TMEM243: variants seen among roughly 807,000 people sequenced by gnomAD.
The protein encoded by TMEM243 is MDR1 and mitochondrial taxol resistance associated.
Under a neutral mutation model 15.0 loss-of-function variants are expected in TMEM243, and 20 were observed. The observed-to-expected ratio is 1.33, with a 90% CI of 0.94 to 1.93. The LOEUF (loss-of-function observed/expected upper bound fraction) is 1.93, where lower values mean the gene tolerates loss of function less well. Among genes scored for constraint, TMEM243 ranks in the 30% most tolerant of loss-of-function variants. The probability of loss-of-function intolerance (pLI) is 0.00; values close to 1 mark genes in which losing one functional copy is unlikely to be tolerated. For synonymous variants in TMEM243, 72 were observed against 52.7 expected (o/e 1.37, Z -1.59); for missense variants, 156 against 142.1 (o/e 1.10, Z -0.50).
intron 1 of TMEM243, among the ~76,000 whole-genome samples, chr7:87,209,510 AAG>A (rs1310530259): frequency 9.1e-6 from 1 of 110,304 alleles, no homozygotes; most frequent in Non-Finnish European, 1.9e-5. Context: ...GAGAGTGAGA[AAG>A]ACAGTGAGAG....
intron 1 of TMEM243, among the ~76,000 whole-genome samples, chr7:87,210,189 A>T (rs1584543219): frequency 6.6e-6 from 1 of 152,064 alleles, no homozygotes; most frequent in South Asian, 2.1e-4. Flanking sequence ...ACCATTAGAA[A>T]CTGCCCCCAT....
At chr7:87,208,474 C>T (rs1029183616) in intron 1 of TMEM243, among the ~76,000 whole-genome samples, 1 of 152,218 alleles carries the variant, frequency 6.6e-6, no homozygotes, top group Non-Finnish European at 1.5e-5. Flanking sequence ...GGCTCTGCCC[C>T]TGTGCTTTTC....
intron 1 of TMEM243, among the ~76,000 whole-genome samples, chr7:87,207,903 G>C (rs1431113754): frequency 6.6e-6 from 1 of 152,098 alleles, no homozygotes; most frequent in African/African-American, 2.4e-5. Flanking sequence ...TGAGCAAACT[G>C]CATCCTAACA....
chr7:87,200,828 A>G (rs534782087), intron 1 of TMEM243, among the ~76,000 whole-genome samples: 3 of 152,302 alleles, frequency 2.0e-5, no homozygotes, highest in East Asian at 3.9e-4. Flanking sequence ...CTTCTCACCC[A>G]AAGAACAACC....
At chr7:87,211,225 C>A (rs1263913258) in intron 1 of TMEM243, among the ~76,000 whole-genome samples, 1 of 152,204 alleles carries the variant, frequency 6.6e-6, no homozygotes, top group Admixed American at 6.5e-5. Flanking sequence ...AGGAACAATA[C>A]CTCCAGGCAC....
chr7:87,214,615 T>C (rs1215932769), intron 1 of TMEM243, among the ~76,000 whole-genome samples: 1 of 152,200 alleles, frequency 6.6e-6, no homozygotes, highest in Non-Finnish European at 1.5e-5. Context: ...ATAGTCACAA[T>C]GAAAATTGGC....
At chr7:87,200,383 C>A (rs1801701357) in intron 1 of TMEM243, among the ~76,000 whole-genome samples, 1 of 152,190 alleles carries the variant, frequency 6.6e-6, no homozygotes, top group Non-Finnish European at 1.5e-5. Context: ...GGACAAGTCA[C>A]CACTCACTTT....
rs955579237 is a variant in TMEM243 at position 87,219,607 on chromosome 7, T to C, written c.-104A>G. On this transcript the variant is annotated 5_prime_UTR_variant, in exon 1 of 4. An upstream start codon of the reference 5' UTR is lost. Coordinates refer to ENST00000257637, the MANE Select transcript of TMEM243 (RefSeq NM_024315.4). ...AAGCCTCCTCCTCACGGCTCCCGCATAGCCGAACCCGAGTGGTCGGGGAAG... is the reference window on the plus strand; with the variant it reads ...AAGCCTCCTCCTCACGGCTCCCGCACAGCCGAACCCGAGTGGTCGGGGAAG... 1.9e-6 allele frequency: 2 copies of C among 1,042,254 alleles called. No homozygotes were observed. The highest frequency in any genetic ancestry group is 1.6e-5 in the African/African-American group (1 of 62,552). The allele number at this position is 1,042,254 out of a possible 1,614,324, so 64.6% of individuals were successfully genotyped here.
At chr7:87,203,234 A>G (rs1246146242) in intron 1 of TMEM243, among the ~76,000 whole-genome samples, 1 of 152,096 alleles carries the variant, frequency 6.6e-6, no homozygotes, top group Admixed American at 6.5e-5. Flanking sequence ...TAAAACCCTA[A>G]CCTAACTAAC....
Position 87,219,659 on chromosome 7 carries a change from T to TCACACGCGGGGAACG in TMEM243, c.-171_-157dup, listed in dbSNP as rs1259013924. 2 of 651,038 alleles carry TCACACGCGGGGAACG rather than the reference T, an allele frequency of 3.1e-6. No homozygotes were observed. Among genetic ancestry groups the TCACACGCGGGGAACG allele is most frequent in the East Asian group, 5.5e-5 (2 of 36,214 alleles). 40.3% of individuals were successfully genotyped at this position (651,038 alleles called of 1,614,324 possible). ...GCTGGCGCCAGGGATGGGTGGGGGC[T>TCACACGCGGGGAACG]CACACGCGGGGAACGCGACTGCTCC... On this transcript the variant is annotated 5_prime_UTR_variant, in exon 1 of 4. The change abolishes the stop of an existing upstream ORF in the 5' untranslated region. Transcript: ENST00000257637.
chr7:87,199,060 G>A lies in TMEM243; in HGVS notation c.79-3C>T, dbSNP rs1010917460. 10 of 1,604,366 alleles carry A rather than the reference G, an allele frequency of 6.2e-6. No individual in the cohort carries two copies. Among genetic ancestry groups the A allele is most frequent in the Non-Finnish European group, 8.5e-6 (10 of 1,176,692 alleles). On this transcript the variant is annotated splice_region_variant and splice_polypyrimidine_tract_variant and intron_variant, in intron 1 of 3. Transcript: ENST00000257637. ...ACAACTAAATTGATGATTCGATCCT[G>A]AAAGAGAAAAGAATTTTTAAGCCAT...
At chr7:87,214,330 A>G (rs2129238320) in intron 1 of TMEM243, among the ~76,000 whole-genome samples, 1 of 152,324 alleles carries the variant, frequency 6.6e-6, no homozygotes, top group Non-Finnish European at 1.5e-5. Context: ...CTGTGTACTA[A>G]AGCTTGTACT....
At chr7:87,205,296 C>CT (rs1350956538) in intron 1 of TMEM243, among the ~76,000 whole-genome samples, 2 of 151,930 alleles carry the variant, frequency 1.3e-5, no homozygotes, top group Non-Finnish European at 2.9e-5. Flanking sequence ...TTTGGCTCCT[C>CT]TTACTTGTGC....
At chr7:87,201,056 T>C (rs761186425) in intron 1 of TMEM243, among the ~76,000 whole-genome samples, 2 of 152,232 alleles carry the variant, frequency 1.3e-5, no homozygotes, top group African/African-American at 2.4e-5. Flanking sequence ...ACCTTTTAGA[T>C]AGTCACTGAA....
chr7:87,217,891 C>T (rs1197739750), intron 1 of TMEM243, among the ~76,000 whole-genome samples: 2 of 152,230 alleles, frequency 1.3e-5, no homozygotes, highest in African/African-American at 4.8e-5. Flanking sequence ...ATCAATATTT[C>T]TAAGTGTTTG....
At chr7:87,214,908 T>C (rs768315822) in intron 1 of TMEM243, among the ~76,000 whole-genome samples, 2 of 152,208 alleles carry the variant, frequency 1.3e-5, no homozygotes, top group Admixed American at 1.3e-4. Context: ...AATTTTATAT[T>C]TTTAAAATTT....
At chr7:87,199,442 G>A (rs893894969) in intron 1 of TMEM243, 5 of 181,530 alleles carry the variant, frequency 2.8e-5, no homozygotes, top group African/African-American at 7.1e-5. Context: ...AACCGGACTA[G>A]ATGTAGAGTA....
chr7:87,209,351 A>AG lies in TMEM243; in HGVS notation c.78+10074dup, dbSNP rs368897490. On this transcript the variant is annotated intron_variant, in intron 1 of 3. Transcript: ENST00000257637. ...GGGAGACTGGGGAGAAGAGGTTGAGAGGGGGGAAGAAGAGGGGAAGAGAGA... is the reference window on the plus strand; with the variant it reads ...GGGAGACTGGGGAGAAGAGGTTGAGAGGGGGGGAAGAAGAGGGGAAGAGAGA... 1.8e-3 allele frequency among the ~76,000 whole-genome samples: 271 copies of AG among 151,434 alleles called. 2 individuals carry two copies. The highest frequency in any genetic ancestry group is 6.2e-3 in the African/African-American group (257 of 41,198).
chr7:87,198,069 G>A (rs1801488918), intron 2 of TMEM243, 24 bp from the exon 3 acceptor site: 2 of 1,587,360 alleles, frequency 1.3e-6, no homozygotes, highest in Non-Finnish European at 1.7e-6. Context: ...AATTATGTAA[G>A]GCCTTAACAG....
Sources: allele counts gnomAD v4.1 joint callset (sites outside exome capture counted in the v4.1 genomes callset), GRCh38; gene constraint gnomAD v4.1.1; transcripts MANE v1.5; gene names NCBI Gene and HGNC (gene_info 2026-07-23, HGNC 2026-07-21).